Variants in DYSF observed in about 807,000 individuals in gnomAD.
DYSF encodes the protein dysferlin.
A neutral mutation model predicts 274.9 loss-of-function variants in DYSF; 212 were observed. The observed-to-expected ratio is 0.77, with a 90% CI of 0.69 to 0.86. The LOEUF (loss-of-function observed/expected upper bound fraction) is 0.86, where lower values mean the gene tolerates loss of function less well. DYSF is among the 40% of genes least tolerant of loss of function. DYSF has a pLI of 0.00. For missense variants in DYSF, 2,666 were observed against 2,783.2 expected (o/e 0.96, Z 0.95); for synonymous variants, 1,091 against 1,078.7 (o/e 1.01, Z -0.22).
chr2:71,674,523 GGT>G (rs2095186894), intron 52 of DYSF, among the ~76,000 whole-genome samples: 1 of 152,228 alleles, frequency 6.6e-6, no homozygotes, highest in African/African-American at 2.4e-5. Flanking sequence ...TGTCAGTAGA[GGT>G]GGCACTGAAC....
chr2:71,600,629 A>G (rs548893224), intron 33 of DYSF, 73 bp from the exon 34 acceptor site: 2 of 1,607,926 alleles, frequency 1.2e-6, no homozygotes, highest in East Asian at 2.2e-5. Flanking sequence ...GCACATGTAG[A>G]CCTGATCTCT....
intron 52 of DYSF, among the ~76,000 whole-genome samples, chr2:71,677,009 ACATT>A (rs1397042727): frequency 1.1e-4 from 16 of 152,276 alleles, no homozygotes; most frequent in African/African-American, 3.4e-4. Context: ...TAGAAAATAA[ACATT>A]CATTCATCTG....
intron 8 of DYSF, 114 bp from the exon 9 acceptor site, chr2:71,516,066 T>C (rs2086617954): frequency 9.0e-7 from 1 of 1,107,024 alleles, no homozygotes; most frequent in Non-Finnish European, 1.4e-6. Flanking sequence ...CAATCCACAT[T>C]TTCTGAGGGG....
intron 1 of DYSF, among the ~76,000 whole-genome samples, chr2:71,476,815 A>C (rs10865385): frequency 0.37 from 52,792 of 142,734 alleles, 10,258 homozygotes; most frequent in East Asian, 0.62. Context: ...GACAAACCGA[A>C]CTAGCTGCTT....
chr2:71,460,212 C>T (rs1438050252), intron 1 of DYSF, among the ~76,000 whole-genome samples: 2 of 152,220 alleles, frequency 1.3e-5, no homozygotes, highest in Admixed American at 6.5e-5. Context: ...CTGTTATCCC[C>T]AGAAGTTCCC....
intron 14 of DYSF, among the ~76,000 whole-genome samples, chr2:71,532,239 A>G (rs555758276): frequency 1.3e-5 from 2 of 152,318 alleles, no homozygotes; most frequent in East Asian, 3.9e-4. Context: ...ATTGTGACAA[A>G]CATCAGCATA....
intron 7 of DYSF, 31 bp from the exon 8 acceptor site, chr2:71,515,592 C>G: frequency 6.2e-7 from 1 of 1,613,946 alleles, no homozygotes; most frequent in African/African-American, 1.3e-5. Context: ...CTTCCCCCTT[C>G]CTCCTGCTCT....
At chr2:71,560,485 C>T (rs1251611362) in intron 22 of DYSF, among the ~76,000 whole-genome samples, 2 of 151,690 alleles carry the variant, frequency 1.3e-5, no homozygotes, top group African/African-American at 4.9e-5. Flanking sequence ...AGCCCATCCG[C>T]GGCACCCTCG....
intron 42 of DYSF, 81 bp downstream of exon 42, chr2:71,644,144 C>A: frequency 8.6e-7 from 1 of 1,162,106 alleles, no homozygotes; most frequent in Non-Finnish European, 1.3e-6. Flanking sequence ...AGAGCTCATG[C>A]AGTAGATGTA....
At chr2:71,591,532 T>C (rs78243443) in intron 32 of DYSF, among the ~76,000 whole-genome samples, 1,980 of 152,356 alleles carry the variant, frequency 0.013, 52 homozygotes, top group African/African-American at 0.044. Context: ...ACAATTGCCC[T>C]GTGAAGTAGG....
At chr2:71,554,272 G>A (rs576268221) in intron 21 of DYSF, among the ~76,000 whole-genome samples, 28 of 152,312 alleles carry the variant, frequency 1.8e-4, no homozygotes, top group African/African-American at 6.5e-4. Context: ...GACTCGTAAT[G>A]CACACAAGGG....
Position 71,615,177 on chromosome 2 carries a change from C to T in DYSF, c.4464+1767C>T, listed in dbSNP as rs891735779. ...AGACGATGAGGAGGCCCAGCCTGGC[C>T]ATCCTCCCGGCGTTGACATGAGGGA... On this transcript the variant is annotated intron_variant, in intron 40 of 55. Coordinates refer to ENST00000410020, the MANE Select transcript of DYSF (RefSeq NM_001130987.2). This position sits in a 1 kb window ranked among gnomAD's most constrained non-coding sequence, Gnocchi z 4.9. Among the ~76,000 whole-genome samples, 1 of 152,212 alleles carries T rather than the reference C, an allele frequency of 6.6e-6. No individual in the cohort carries two copies. Among genetic ancestry groups the T allele is most frequent in the African/African-American group, 2.4e-5 (1 of 41,452 alleles).
chr2:71,574,510 G>A, intron 30 of DYSF, 139 bp downstream of exon 30: 1 of 1,063,760 alleles, frequency 9.4e-7, no homozygotes, highest in Non-Finnish European at 1.3e-6. Context: ...CCTGGCGTCA[G>A]TACCTGTGGG....
chr2:71,589,807 T>C, intron 31 of DYSF, 121 bp downstream of exon 31: 1 of 992,312 alleles, frequency 1.0e-6, no homozygotes. Context: ...TCTCTGTGCT[T>C]TTTGGTGGGT....
Position 71,503,245 on chromosome 2 carries a change from G to T in DYSF, c.271G>T (p.Glu91Ter). The T allele has an allele frequency of 6.2e-7, 1 of 1,614,084 alleles. No individual in the cohort carries two copies. The highest frequency in any genetic ancestry group is 8.5e-7 in the Non-Finnish European group (1 of 1,179,976). ...GGGGGAAGCCAAGGTCCCACTCCGA[G>T]AGGTCCTCGCCACCCCTAGTCTGTC... is the stretch of plus-strand genomic sequence containing the variant. The part of the protein sequence containing the change: ...FLGEAKVPLR[E>*]VLATPSLSAS... Residue 91 changes from glutamate to a stop codon, truncating the protein, a stop_gained, in exon 4 of 56, where the codon GAG becomes TAG. Transcript: ENST00000410020. LOFTEE classifies it high-confidence loss of function.
At chr2:71,616,409 C>T (rs991502279) in intron 40 of DYSF, among the ~76,000 whole-genome samples, 10 of 150,414 alleles carry the variant, frequency 6.6e-5, no homozygotes, top group African/African-American at 2.5e-4. Flanking sequence ...TTGGTCTGTG[C>T]AGCCATCCTA....
At chr2:71,651,605 C>A (rs1271395912) in intron 42 of DYSF, among the ~76,000 whole-genome samples, 1 of 151,974 alleles carries the variant, frequency 6.6e-6, no homozygotes, top group African/African-American at 2.4e-5. Context: ...AATTCCTGTG[C>A]TATATGTAGT....
intron 32 of DYSF, among the ~76,000 whole-genome samples, chr2:71,595,393 T>C (rs2093377862): frequency 6.6e-6 from 1 of 152,198 alleles, no homozygotes; most frequent in African/African-American, 2.4e-5. Flanking sequence ...TCAGGGGGTC[T>C]AGTACATACG....
intron 52 of DYSF, among the ~76,000 whole-genome samples, chr2:71,676,261 TC>T (rs1316462687): frequency 6.6e-6 from 1 of 152,180 alleles, no homozygotes; most frequent in Non-Finnish European, 1.5e-5. Context: ...TTGTTTATAC[TC>T]CCACCTGTGC....
Sources: gnomAD v4.1 joint callset for allele counts (sites outside exome capture counted in the v4.1 genomes callset) on GRCh38, gnomAD v4.1.1 for gene constraint, Gnocchi (gnomAD v3.1) non-coding constraint, MANE v1.5 for transcripts, NCBI Gene and HGNC (gene_info 2026-07-23, HGNC 2026-07-21) for gene names.